USP15: variants seen among roughly 807,000 people sequenced by gnomAD.
USP15 encodes the protein ubiquitin specific peptidase 15, also known as ubiquitin carboxyl-terminal hydrolase 15.
Under a neutral mutation model 127.1 loss-of-function variants are expected in USP15, and 18 were observed. That is an observed-to-expected ratio of 0.14 (90% CI 0.10 to 0.21). The LOEUF is 0.21. Ranked by LOEUF, USP15 falls within the 10% of genes least tolerant of loss-of-function variation. The probability of loss-of-function intolerance (pLI) is 1.00; values close to 1 mark genes in which losing one functional copy is unlikely to be tolerated. For synonymous variants in USP15, 364 were observed against 393.7 expected (o/e 0.92, Z 0.89); for missense variants, 805 against 1,159.9 (o/e 0.69, Z 4.44).
intron 1 of USP15, 24 bp downstream of exon 1, chr12:62,260,527 C>T: frequency 1.3e-6 from 2 of 1,546,756 alleles, no homozygotes; most frequent in Non-Finnish European, 1.7e-6. Context: ...GTTGAGATGC[C>T]CGCGGTTGCC....
chr12:62,268,637 T>G (rs1234886845), intron 1 of USP15, among the ~76,000 whole-genome samples: 1 of 152,148 alleles, frequency 6.6e-6, no homozygotes, highest in Non-Finnish European at 1.5e-5. Flanking sequence ...TTACTGACTT[T>G]CATTTCAAAA....
At chr12:62,294,806 T>C (rs1289022675) in intron 2 of USP15, among the ~76,000 whole-genome samples, 2 of 152,186 alleles carry the variant, frequency 1.3e-5, no homozygotes, top group Non-Finnish European at 2.9e-5. Context: ...CCAGTCCTTC[T>C]ATATACCTCT....
intron 8 of USP15, chr12:62,374,381 C>G (rs1281176153): frequency 1.0e-6 from 1 of 985,500 alleles, no homozygotes; most frequent in Non-Finnish European, 1.2e-6. Flanking sequence ...GTTTTCTTTC[C>G]TGTTCTAGTT....
intron 8 of USP15, among the ~76,000 whole-genome samples, chr12:62,379,201 C>A (rs1384690280): frequency 2.2e-3 from 302 of 134,572 alleles, no homozygotes; most frequent in Non-Finnish European, 2.3e-3. Context: ...TTAGTAAGGC[C>A]AAAAAAAAAA....
rs2065095417 is a variant in USP15 at position 62,325,275 on chromosome 12, C to G, written c.622-597C>G. Among the ~76,000 whole-genome samples, 6 of 151,884 alleles carry G rather than the reference C, an allele frequency of 4.0e-5. No homozygotes were observed. The South Asian group carries it at 1.2e-3, about 31-fold the overall frequency. On this transcript the variant is annotated intron_variant, in intron 5 of 21. Transcript: ENST00000280377. ...GCCTCATCCATGCTGTAACAGAGAA[C>G]TTCAGTCTGATTCTCATAAATGGGA...
At chr12:62,329,054 CTTATA>C (rs1275618809) in intron 6 of USP15, among the ~76,000 whole-genome samples, 3 of 152,186 alleles carry the variant, frequency 2.0e-5, no homozygotes, top group Admixed American at 1.3e-4. Flanking sequence ...AAATATAACA[CTTATA>C]TTTAATGAAT....
At chr12:62,374,989 A>C in intron 8 of USP15, among the ~76,000 whole-genome samples, 1 of 148,060 alleles carries the variant, frequency 6.8e-6, no homozygotes, top group Non-Finnish European at 1.5e-5. Context: ...ACTTTAATAA[A>C]GAATGCATAA....
At chr12:62,393,728 T>C (rs947068198) in intron 19 of USP15, 1 of 152,374 alleles carries the variant, frequency 6.6e-6, no homozygotes, top group Non-Finnish European at 1.5e-5. Flanking sequence ...TAACTGGGAT[T>C]ATAGCCACCC....
At chr12:62,398,079 C>G (rs926443102) in intron 20 of USP15, among the ~76,000 whole-genome samples, 1 of 151,800 alleles carries the variant, frequency 6.6e-6, no homozygotes, top group African/African-American at 2.4e-5. Flanking sequence ...GCAACCTCCA[C>G]CTCCTGGGTT....
In USP15 at chr12:62,263,248, A is replaced by G. The variant is rs142439110; in HGVS notation, c.89+2745A>G. On this transcript the variant is annotated intron_variant, in intron 1 of 21. Transcript: ENST00000280377. ...TTGCCCTGTGGAATATTGTCGTGGCATATGTATGTAACTGTCTAGGAAAGA... is the reference window on the plus strand; with the variant it reads ...TTGCCCTGTGGAATATTGTCGTGGCGTATGTATGTAACTGTCTAGGAAAGA... Among the ~76,000 whole-genome samples the G allele has an allele frequency of 3.5e-4, 54 of 152,264 alleles. No homozygotes were observed. The East Asian group carries it at 9.7e-3, about 27-fold the overall frequency.
In USP15 at chr12:62,412,068, G is replaced by C. The variant is rs765041111; in HGVS notation, c.*7693G>C. 6.6e-6 allele frequency: 1 copy of C among 152,032 alleles called. No individual in the cohort carries two copies. The highest frequency in any genetic ancestry group is 6.6e-5 in the Admixed American group (1 of 15,248). 9.4% of individuals were successfully genotyped at this position (152,032 alleles called of 1,614,324 possible). ...GGCATGCCTCAGATATTGCAGGTTC[G>C]GTTCCCAGCCACCATAAATATTTAA... is the stretch of plus-strand genomic sequence containing the variant. On this transcript the variant is annotated 3_prime_UTR_variant, in exon 22 of 22. Coordinates refer to ENST00000280377, the MANE Select transcript of USP15 (RefSeq NM_001252078.2).
intron 1 of USP15, among the ~76,000 whole-genome samples, chr12:62,263,266 A>G (rs959044235): frequency 2.6e-5 from 4 of 152,184 alleles, no homozygotes; most frequent in Non-Finnish European, 5.9e-5. Context: ...GTAACTGTCT[A>G]GGAAAGACTG....
At chr12:62,375,566 A>T (rs1040609415) in intron 8 of USP15, among the ~76,000 whole-genome samples, 1 of 152,190 alleles carries the variant, frequency 6.6e-6, no homozygotes, top group Non-Finnish European at 1.5e-5. Context: ...AAGTTAGCCC[A>T]GAGAAAGGAA....
intron 7 of USP15, chr12:62,355,103 G>C (rs767718317): frequency 1.8e-4 from 59 of 333,290 alleles, no homozygotes; most frequent in Admixed American, 2.7e-4. Flanking sequence ...GCTTTGTATT[G>C]GTTGGTGTGG....
chr12:62,406,691 G>A lies in USP15; in HGVS notation c.*2316G>A, dbSNP rs2067877511. The A allele has an allele frequency of 6.6e-6, 1 of 152,224 alleles. No individual in the cohort carries two copies. Among genetic ancestry groups the A allele is most frequent in the African/African-American group, 2.4e-5 (1 of 41,448 alleles). The allele number at this position is 152,224 out of a possible 1,614,324, so 9.4% of individuals were successfully genotyped here. On this transcript the variant is annotated 3_prime_UTR_variant, in exon 22 of 22. Coordinates refer to ENST00000280377, the MANE Select transcript of USP15 (RefSeq NM_001252078.2). Reference sequence around the variant, plus strand: ...AGTAGGCATTCAGACTGGGCACGGTGGTTCATGCCTGTAATCCCAGCACTT... The same window carrying A: ...AGTAGGCATTCAGACTGGGCACGGTAGTTCATGCCTGTAATCCCAGCACTT...
At chr12:62,389,071 G>T (rs972423596) in intron 11 of USP15, among the ~76,000 whole-genome samples, 2 of 151,938 alleles carry the variant, frequency 1.3e-5, no homozygotes, top group Non-Finnish European at 1.5e-5. Context: ...GCTGCGGTGA[G>T]CCAAGATCAT....
chr12:62,403,124 A>C (rs1339382250), intron 21 of USP15, among the ~76,000 whole-genome samples: 1 of 152,046 alleles, frequency 6.6e-6, no homozygotes, highest in Non-Finnish European at 1.5e-5. Context: ...AGCTGTGTGG[A>C]AATTTCCATT....
chr12:62,364,680 T>C (rs2066423898), intron 8 of USP15, among the ~76,000 whole-genome samples: 1 of 152,132 alleles, frequency 6.6e-6, no homozygotes, highest in East Asian at 1.9e-4. Context: ...TCACCTTCAT[T>C]AGGTATTTAT....
At chr12:62,334,508 G>A (rs1177969892) in intron 6 of USP15, among the ~76,000 whole-genome samples, 5 of 152,042 alleles carry the variant, frequency 3.3e-5, no homozygotes, top group Admixed American at 2.6e-4. Flanking sequence ...CTGGCATATA[G>A]GAAGCATACA....
Sources: gnomAD v4.1 joint callset for allele counts (sites outside exome capture counted in the v4.1 genomes callset) on GRCh38, gnomAD v4.1.1 for gene constraint, MANE v1.5 for transcripts, NCBI Gene and HGNC (gene_info 2026-07-23, HGNC 2026-07-21) for gene names.